The following MICU1 variants were observed in gnomAD, a reference collection of about 807,000 sequenced individuals.
MICU1 encodes the protein calcium uptake protein 1, mitochondrial.
MICU1 carries 45 observed loss-of-function variants against 56.8 expected under a neutral mutation model. The ratio of observed to expected loss-of-function variants is 0.79; its 90% CI spans 0.62 to 1.02. The LOEUF is 1.02. MICU1 is among the 50% of genes least tolerant of loss of function. The pLI, the probability that MICU1 is intolerant of heterozygous loss-of-function variation, is 0.00. For missense variants in MICU1, 504 were observed against 587.1 expected (o/e 0.86, Z 1.46); for synonymous variants, 186 against 195.1 (o/e 0.95, Z 0.39).
Position 72,377,117 on chromosome 10 carries a change from C to T in MICU1, c.1181-1245G>A, listed in dbSNP as rs934694553. The stretch of plus-strand genomic sequence containing the variant: ...GCCCTTGTCTTAACAGTTCAGGATG[C>T]GTATCTTTCTTTTTTTTTTTGAGAC... On this transcript the variant is annotated intron_variant, in intron 10 of 11. Transcript: ENST00000361114. Among the ~76,000 whole-genome samples, 7 of 126,454 alleles carry T rather than the reference C, an allele frequency of 5.5e-5. No homozygotes were observed. The East Asian group carries it at 1.4e-3, about 25-fold the overall frequency. 83.0% of individuals were successfully genotyped at this position (126,454 alleles called of 152,430 possible).
At chr10:72,612,018 A>C (rs1255200437) in intron 1 of MICU1, among the ~76,000 whole-genome samples, 1 of 151,716 alleles carries the variant, frequency 6.6e-6, no homozygotes, top group Non-Finnish European at 1.5e-5. Context: ...AACCAAAAAA[A>C]AAAAAAAAAA....
At chr10:72,425,077 A>C (rs1407542830) in intron 8 of MICU1, among the ~76,000 whole-genome samples, 1 of 152,180 alleles carries the variant, frequency 6.6e-6, no homozygotes, top group African/African-American at 2.4e-5. Context: ...GGACTGACAA[A>C]ATTTTCTAAA....
intron 10 of MICU1, among the ~76,000 whole-genome samples, chr10:72,386,558 T>C (rs1212002092): frequency 4.2e-5 from 1 of 23,954 alleles, no homozygotes; most frequent in African/African-American, 1.3e-4. Flanking sequence ...CCGCCACCTA[T>C]TTTTTTTTTT....
chr10:72,504,443 G>T (rs978766900), intron 6 of MICU1, among the ~76,000 whole-genome samples: 1 of 152,072 alleles, frequency 6.6e-6, no homozygotes, highest in Non-Finnish European at 1.5e-5. Context: ...AATGAAACTG[G>T]ACCCTTACCT....
At chr10:72,566,601 A>T in intron 2 of MICU1, 32 bp downstream of exon 2, 1 of 1,592,546 alleles carries the variant, frequency 6.3e-7, no homozygotes, top group Non-Finnish European at 8.6e-7. Flanking sequence ...ATAAAAGTAT[A>T]CGCAAGAACA....
At chr10:72,434,932 TG>T (rs1313585383) in intron 8 of MICU1, among the ~76,000 whole-genome samples, 3 of 152,198 alleles carry the variant, frequency 2.0e-5, no homozygotes, top group Non-Finnish European at 4.4e-5. Flanking sequence ...CTTGATATGC[TG>T]ATTTTTCCTA....
At chr10:72,604,535 A>G (rs1841636938) in intron 1 of MICU1, among the ~76,000 whole-genome samples, 1 of 151,114 alleles carries the variant, frequency 6.6e-6, no homozygotes, top group African/African-American at 2.4e-5. Context: ...GGCCTCCCAA[A>G]GTGTTGGGAT....
chr10:72,420,959 GC>G (rs1864140315), intron 9 of MICU1, among the ~76,000 whole-genome samples: 1 of 141,100 alleles, frequency 7.1e-6, no homozygotes, highest in South Asian at 2.2e-4. Flanking sequence ...CCGAGATCAC[GC>G]CATTGCATTC....
chr10:72,491,820 A>T (rs1302375208), intron 6 of MICU1, among the ~76,000 whole-genome samples: 1 of 152,022 alleles, frequency 6.6e-6, no homozygotes, highest in Non-Finnish European at 1.5e-5. Flanking sequence ...GCGTACAGAG[A>T]TACTAGTAAA....
intron 4 of MICU1, among the ~76,000 whole-genome samples, chr10:72,545,423 T>C (rs1197093448): frequency 6.6e-6 from 1 of 152,136 alleles, no homozygotes; most frequent in East Asian, 1.9e-4. Context: ...ATATAAGACA[T>C]CAGTTAACAC....
chr10:72,368,451 C>T, intron 11 of MICU1, 96 bp from the exon 12 acceptor site: 1 of 1,356,512 alleles, frequency 7.4e-7, no homozygotes, highest in Non-Finnish European at 1.0e-6. Context: ...ATTTCAAAGC[C>T]CAGACATTCT....
chr10:72,470,007 A>C lies in MICU1; in HGVS notation c.933+5093T>G, dbSNP rs114815591. Among the ~76,000 whole-genome samples, 1,144 of 152,308 alleles carry C rather than the reference A, an allele frequency of 7.5e-3. 15 individuals are homozygous for C. Among genetic ancestry groups the C allele is most frequent in the African/African-American group, 0.026 (1,079 of 41,554 alleles). On this transcript the variant is annotated intron_variant, in intron 8 of 11. Transcript: ENST00000361114. Reference sequence around the variant, plus strand: ...CTCTTTAAAGACCTTATCTCCAAGTAAAGTCATATTCTGAGATACTGGGGG... The same window carrying C: ...CTCTTTAAAGACCTTATCTCCAAGTCAAGTCATATTCTGAGATACTGGGGG...
At chr10:72,435,550 G>A (rs1240735964) in intron 8 of MICU1, among the ~76,000 whole-genome samples, 1 of 152,170 alleles carries the variant, frequency 6.6e-6, no homozygotes, top group Non-Finnish European at 1.5e-5. Flanking sequence ...TGGATAGTGG[G>A]GGCAGCCCAC....
intron 3 of MICU1, among the ~76,000 whole-genome samples, chr10:72,559,588 G>A (rs1256339365): frequency 6.6e-6 from 1 of 152,146 alleles, no homozygotes; most frequent in Non-Finnish European, 1.5e-5. Context: ...CACTTTGGGA[G>A]GCCAAGGTGG....
At chr10:72,369,691 T>G (rs1204262759) in intron 11 of MICU1, among the ~76,000 whole-genome samples, 1 of 125,496 alleles carries the variant, frequency 8.0e-6, no homozygotes, top group Admixed American at 7.4e-5. Flanking sequence ...AGAGCATCTG[T>G]TTTTTTTTTT....
intron 5 of MICU1, among the ~76,000 whole-genome samples, chr10:72,520,809 G>T (rs763700597): frequency 3.9e-5 from 6 of 152,062 alleles, no homozygotes; most frequent in African/African-American, 1.4e-4. Context: ...TTAAGGAAAC[G>T]ATACAACTTT....
At chr10:72,461,197 G>A (rs1865629352) in intron 8 of MICU1, among the ~76,000 whole-genome samples, 1 of 152,166 alleles carries the variant, frequency 6.6e-6, no homozygotes, top group African/African-American at 2.4e-5. Flanking sequence ...AGAAAACCTA[G>A]ACGATCTATC....
intron 4 of MICU1, among the ~76,000 whole-genome samples, chr10:72,547,586 GA>G (rs1414936473): frequency 6.6e-6 from 1 of 150,420 alleles, no homozygotes; most frequent in Non-Finnish European, 1.5e-5. Context: ...GTACAAAGAA[GA>G]ATAAAATGAT....
chr10:72,396,673 G>A (rs1294822932), intron 10 of MICU1, among the ~76,000 whole-genome samples: 1 of 152,330 alleles, frequency 6.6e-6, no homozygotes, highest in Middle Eastern at 3.4e-3. Flanking sequence ...TCAAGTGGAA[G>A]AAAGGGTATC....
Sources: gnomAD v4.1 joint callset for allele counts (sites outside exome capture counted in the v4.1 genomes callset) on GRCh38, gnomAD v4.1.1 for gene constraint, MANE v1.5 for transcripts, NCBI Gene and HGNC (gene_info 2026-07-23, HGNC 2026-07-21) for gene names.